Variants in PLCB1 observed in about 807,000 individuals in gnomAD.
PLCB1 encodes the protein phospholipase C beta 1, also known as 1-phosphatidylinositol 4,5-bisphosphate phosphodiesterase beta-1.
PLCB1 carries 46 observed loss-of-function variants against 161.8 expected under a neutral mutation model. The ratio of observed to expected loss-of-function variants is 0.28; its 90% CI spans 0.22 to 0.36. The LOEUF is 0.36. Ranked by LOEUF, PLCB1 falls within the 10% of genes least tolerant of loss-of-function variation. The pLI is 1.00. For synonymous variants in PLCB1, 517 were observed against 503.7 expected (o/e 1.03, Z -0.35); for missense variants, 1,016 against 1,472.5 (o/e 0.69, Z 5.07).
intron 1 of PLCB1, among the ~76,000 whole-genome samples, chr20:8,143,166 G>A (rs1600194620): frequency 2.0e-5 from 3 of 151,946 alleles, no homozygotes; most frequent in South Asian, 2.1e-4. Context: ...TTTAGTTACC[G>A]TCTTCTTCTT....
At chr20:8,533,459 A>G (rs1385919657) in intron 3 of PLCB1, among the ~76,000 whole-genome samples, 3 of 152,026 alleles carry the variant, frequency 2.0e-5, no homozygotes, top group African/African-American at 7.3e-5. Context: ...ACAATGGTTG[A>G]ACTAGTTTAC....
intron 1 of PLCB1, among the ~76,000 whole-genome samples, chr20:8,140,621 C>T (rs914750304): frequency 6.6e-6 from 1 of 152,068 alleles, no homozygotes; most frequent in African/African-American, 2.4e-5. Context: ...TTGCATTTCA[C>T]GTAGAAGCAA....
intron 3 of PLCB1, among the ~76,000 whole-genome samples, chr20:8,399,431 C>A (rs2122466322): frequency 6.6e-6 from 1 of 152,146 alleles, no homozygotes; most frequent in African/African-American, 2.4e-5. Flanking sequence ...ATGTTTCCTT[C>A]CATGTGTACC....
intron 3 of PLCB1, among the ~76,000 whole-genome samples, chr20:8,500,714 A>T (rs1433744883): frequency 6.6e-6 from 1 of 152,282 alleles, no homozygotes; most frequent in Non-Finnish European, 1.5e-5. Context: ...TTTATTATAC[A>T]TCCTTTATTA....
chr20:8,759,422 AT>A (rs1840203736), intron 24 of PLCB1, among the ~76,000 whole-genome samples: 1 of 152,148 alleles, frequency 6.6e-6, no homozygotes, highest in Non-Finnish European at 1.5e-5. Context: ...TTGCTTACTG[AT>A]TTTTAACATT....
chr20:8,144,039 A>C (rs2051429741), intron 1 of PLCB1, among the ~76,000 whole-genome samples: 1 of 152,210 alleles, frequency 6.6e-6, no homozygotes, highest in African/African-American at 2.4e-5. Context: ...CCTGGGGTGC[A>C]AAATTGCTCC....
At chr20:8,357,075 G>C (rs560535784) in intron 2 of PLCB1, among the ~76,000 whole-genome samples, 24 of 152,186 alleles carry the variant, frequency 1.6e-4, no homozygotes, top group African/African-American at 5.8e-4. Flanking sequence ...CTATCTTCTT[G>C]GGTGCTCAAA....
chr20:8,320,482 A>G (rs1332708422), intron 2 of PLCB1, among the ~76,000 whole-genome samples: 1 of 152,194 alleles, frequency 6.6e-6, no homozygotes, highest in African/African-American at 2.4e-5. Flanking sequence ...TGGCAATGGC[A>G]AGATTTGCCC....
chr20:8,855,069 C>T (rs1987025470), intron 31 of PLCB1, among the ~76,000 whole-genome samples: 1 of 152,100 alleles, frequency 6.6e-6, no homozygotes, highest in Admixed American at 6.5e-5. Context: ...GTAGCAAAAA[C>T]ATATGATTAA....
intron 2 of PLCB1, among the ~76,000 whole-genome samples, chr20:8,368,528 C>CAAAAAAAAAAAAAAA (rs1216338206): frequency 1.4e-4 from 9 of 63,814 alleles, no homozygotes; most frequent in South Asian, 7.8e-4. Context: ...CTCTGTCTCT[C>CAAAAAAAAAAAAAAA]AAAAAAAAAA....
chr20:8,249,990 T>C (rs1981058158), intron 2 of PLCB1, among the ~76,000 whole-genome samples: 1 of 151,956 alleles, frequency 6.6e-6, no homozygotes. Context: ...TGCCAGAGAT[T>C]TACTGTCATT....
At chr20:8,200,313 C>A (rs573801521) in intron 2 of PLCB1, among the ~76,000 whole-genome samples, 1 of 152,074 alleles carries the variant, frequency 6.6e-6, no homozygotes, top group African/African-American at 2.4e-5. Flanking sequence ...TTCCAAAAAT[C>A]TTGAATTTTC....
intron 2 of PLCB1, 83 bp from the exon 3 acceptor site, chr20:8,371,298 AT>A (rs953745005): frequency 1.6e-4 from 135 of 854,706 alleles, no homozygotes; most frequent in Non-Finnish European, 2.1e-4. Flanking sequence ...TCTCAAGATA[AT>A]TTTTTTAAGT....
intron 3 of PLCB1, among the ~76,000 whole-genome samples, chr20:8,600,480 G>C (rs948147404): frequency 1.0e-4 from 15 of 150,290 alleles, no homozygotes; most frequent in Non-Finnish European, 1.8e-4. Context: ...GCTGCGTGCT[G>C]GGAGAACCAC....
intron 3 of PLCB1, among the ~76,000 whole-genome samples, chr20:8,393,330 A>G (rs1441891891): frequency 6.6e-6 from 1 of 152,106 alleles, no homozygotes; most frequent in East Asian, 1.9e-4. Context: ...TATCAAAACC[A>G]AAACTCACTG....
At chr20:8,693,042 G>T (rs554466897) in intron 10 of PLCB1, among the ~76,000 whole-genome samples, 3 of 152,202 alleles carry the variant, frequency 2.0e-5, no homozygotes, top group South Asian at 2.1e-4. Flanking sequence ...TATTTTACTG[G>T]CAAGGAAAAA....
intron 23 of PLCB1, among the ~76,000 whole-genome samples, chr20:8,747,010 G>A (rs1052464544): frequency 1.8e-4 from 27 of 152,130 alleles, no homozygotes; most frequent in Admixed American, 1.6e-3. Flanking sequence ...CCACACACAC[G>A]CACTACCTCT....
intron 2 of PLCB1, among the ~76,000 whole-genome samples, chr20:8,178,730 T>A (rs2051808229): frequency 6.6e-6 from 1 of 152,204 alleles, no homozygotes; most frequent in African/African-American, 2.4e-5. Flanking sequence ...CAGAGTGATA[T>A]TTCCTGGGTT....
chr20:8,325,928 A>G (rs186771548), intron 2 of PLCB1, among the ~76,000 whole-genome samples: 1 of 152,354 alleles, frequency 6.6e-6, no homozygotes, highest in African/African-American at 2.4e-5. Flanking sequence ...TGGAAAGGAC[A>G]TAGCCCATTG....
Sources: allele counts gnomAD v4.1 joint callset (sites outside exome capture counted in the v4.1 genomes callset), GRCh38; gene constraint gnomAD v4.1.1; transcripts MANE v1.5; gene names NCBI Gene and HGNC (gene_info 2026-07-23, HGNC 2026-07-21).